The following B3GALT1 variants were observed in gnomAD, a reference collection of about 807,000 sequenced individuals.
B3GALT1 encodes the protein UDP-Gal:betaGlcNAc beta 1,3-galactosyltransferase, polypeptide 1.
In B3GALT1, 10 loss-of-function variants were observed where a neutral mutation model predicts 23.2. That is an observed-to-expected ratio of 0.43 (90% CI 0.27 to 0.73). B3GALT1 has a LOEUF of 0.73. B3GALT1 is among the 30% of genes least tolerant of loss of function. B3GALT1 has a pLI of 0.21. For missense variants in B3GALT1, 299 were observed against 405.4 expected (o/e 0.74, Z 2.25); for synonymous variants, 156 against 141.5 (o/e 1.10, Z -0.73).
At chr2:167,614,817 G>A (rs977536616) in intron 2 of B3GALT1, among the ~76,000 whole-genome samples, 1 of 151,936 alleles carries the variant, frequency 6.6e-6, no homozygotes, top group Non-Finnish European at 1.5e-5. Context: ...AAAATATTCA[G>A]TAAATCAAAT....
chr2:167,662,577 T>C (rs1315897315), intron 3 of B3GALT1, among the ~76,000 whole-genome samples: 1 of 152,138 alleles, frequency 6.6e-6, no homozygotes, highest in Non-Finnish European at 1.5e-5. Flanking sequence ...ACCTCCCTGC[T>C]TCCACCTTGT....
At chr2:167,849,882 T>C (rs1431298701) in intron 4 of B3GALT1, among the ~76,000 whole-genome samples, 11 of 137,078 alleles carry the variant, frequency 8.0e-5, no homozygotes, top group Admixed American at 2.2e-4. Flanking sequence ...AGAGCGAGAC[T>C]CTGTCTCAAA....
intron 3 of B3GALT1, among the ~76,000 whole-genome samples, chr2:167,676,216 TA>T (rs1686422133): frequency 6.6e-6 from 1 of 152,038 alleles, no homozygotes; most frequent in Admixed American, 6.6e-5. Context: ...TTTTTATGAG[TA>T]ATTCTTACCA....
chr2:167,584,764 A>T (rs12990202), intron 2 of B3GALT1, among the ~76,000 whole-genome samples: 1 of 152,200 alleles, frequency 6.6e-6, no homozygotes, highest in African/African-American at 2.4e-5. Context: ...TGACTAAAGG[A>T]TACAGAGGAA....
intron 2 of B3GALT1, among the ~76,000 whole-genome samples, chr2:167,634,197 G>T (rs1685509242): frequency 6.6e-6 from 1 of 152,100 alleles, no homozygotes; most frequent in South Asian, 2.1e-4. Flanking sequence ...CACAGCTAAA[G>T]CAGTGTTTAG....
chr2:167,647,019 G>T (rs890950102), intron 3 of B3GALT1, among the ~76,000 whole-genome samples, 53 bp downstream of exon 3: 3 of 152,056 alleles, frequency 2.0e-5, no homozygotes, highest in Non-Finnish European at 2.9e-5. Context: ...GGTTGCTTTT[G>T]ATCCTCAGTG....
chr2:167,359,750 C>T (rs1436889393), intron 1 of B3GALT1, among the ~76,000 whole-genome samples: 2 of 140,104 alleles, frequency 1.4e-5, no homozygotes, highest in South Asian at 2.4e-4. Flanking sequence ...TTGGTTTATA[C>T]AGGCTTTGCC....
chr2:167,652,356 C>T (rs1046735518), intron 3 of B3GALT1, among the ~76,000 whole-genome samples: 1 of 152,176 alleles, frequency 6.6e-6, no homozygotes, highest in African/African-American at 2.4e-5. Context: ...TCTAGCTCTG[C>T]CACTATCCCA....
At chr2:167,351,927 A>G (rs1193413809) in intron 1 of B3GALT1, among the ~76,000 whole-genome samples, 8 of 150,164 alleles carry the variant, frequency 5.3e-5, no homozygotes, top group Admixed American at 2.0e-4. Flanking sequence ...GAATCTTCCA[A>G]TACTGTGAAA....
chr2:167,800,179 T>TA (rs1393199379), intron 3 of B3GALT1, among the ~76,000 whole-genome samples: 1 of 152,198 alleles, frequency 6.6e-6, no homozygotes, highest in Non-Finnish European at 1.5e-5. Flanking sequence ...GCAGTCCAAT[T>TA]AAACTTTTCC....
intron 3 of B3GALT1, among the ~76,000 whole-genome samples, chr2:167,769,133 C>T (rs1237780466): frequency 1.3e-5 from 2 of 152,090 alleles, no homozygotes; most frequent in African/African-American, 4.8e-5. Flanking sequence ...CCCTGGGTAC[C>T]TGGTGCCCAG....
At chr2:167,444,993 TG>T (rs1292756817) in intron 1 of B3GALT1, among the ~76,000 whole-genome samples, 4 of 152,230 alleles carry the variant, frequency 2.6e-5, no homozygotes, top group African/African-American at 9.6e-5. Context: ...CTTTCTCTTT[TG>T]GGCATTTAGT....
At chr2:167,702,966 A>AGTCACTCAT (rs1686904052) in intron 3 of B3GALT1, among the ~76,000 whole-genome samples, 2 of 152,208 alleles carry the variant, frequency 1.3e-5, no homozygotes, top group Non-Finnish European at 2.9e-5. Context: ...TTTAGATCCC[A>AGTCACTCAT]GTCACTCATG....
rs542370315 is a variant in B3GALT1 at position 167,590,325 on chromosome 2, G to A, written c.-409-56584G>A. Among the ~76,000 whole-genome samples the A allele has an allele frequency of 1.9e-3, 261 of 137,694 alleles. 1 individual carries two copies. The highest frequency in any genetic ancestry group is 6.8e-3 in the African/African-American group (246 of 36,382). 90.3% of individuals were successfully genotyped at this position (137,694 alleles called of 152,430 possible). A position where few individuals can be genotyped will look rare whatever the true frequency, so the allele number is the denominator to read the frequency against. ...CGTGCCACTGCACTCCAGCCTGGGC[G>A]ACAGAGCAAGACTCTGTCTCAAAAA... On this transcript the variant is annotated intron_variant, in intron 2 of 4. Transcript: ENST00000392690.
At chr2:167,442,804 A>G (rs1297738727) in intron 1 of B3GALT1, among the ~76,000 whole-genome samples, 1 of 144,538 alleles carries the variant, frequency 6.9e-6, no homozygotes, top group Admixed American at 6.9e-5. Flanking sequence ...GGTTGCGAAA[A>G]TTTTCTTCCA....
At chr2:167,560,924 A>T (rs1185773187) in intron 2 of B3GALT1, among the ~76,000 whole-genome samples, 1 of 151,904 alleles carries the variant, frequency 6.6e-6, no homozygotes, top group Non-Finnish European at 1.5e-5. Context: ...AAGGATACCC[A>T]GGAATTGAAC....
At chr2:167,757,140 G>A (rs1687831164) in intron 3 of B3GALT1, among the ~76,000 whole-genome samples, 1 of 152,130 alleles carries the variant, frequency 6.6e-6, no homozygotes, top group Non-Finnish European at 1.5e-5. Flanking sequence ...AAGAAGATAT[G>A]CCTGAAGAAG....
intron 3 of B3GALT1, among the ~76,000 whole-genome samples, chr2:167,661,169 C>A (rs1686054479): frequency 6.6e-6 from 1 of 152,072 alleles, no homozygotes; most frequent in South Asian, 2.1e-4. Context: ...GAAAAATATT[C>A]CTTTAAATCT....
At chr2:167,689,875 G>C (rs185151936) in intron 3 of B3GALT1, among the ~76,000 whole-genome samples, 1 of 152,224 alleles carries the variant, frequency 6.6e-6, no homozygotes, top group East Asian at 1.9e-4. Context: ...GACTGTGCCA[G>C]GATTTCTGTT....
Sources: allele counts gnomAD v4.1 joint callset (sites outside exome capture counted in the v4.1 genomes callset), GRCh38; gene constraint gnomAD v4.1.1; transcripts MANE v1.5; gene names NCBI Gene and HGNC (gene_info 2026-07-23, HGNC 2026-07-21).